FYN: variants seen among roughly 807,000 people sequenced by gnomAD.
FYN encodes FYN proto-oncogene, Src family tyrosine kinase.
Under a neutral mutation model 70.2 loss-of-function variants are expected in FYN, and 10 were observed. The observed-to-expected ratio is 0.14, with a 90% CI of 0.09 to 0.24. The LOEUF (loss-of-function observed/expected upper bound fraction) is 0.24, where lower values mean the gene tolerates loss of function less well. FYN is among the 10% of genes least tolerant of loss of function. The pLI, the probability that FYN is intolerant of heterozygous loss-of-function variation, is 1.00. For synonymous variants in FYN, 236 were observed against 248.6 expected, an observed-to-expected ratio of 0.95 and a Z score of 0.48; for missense variants, 319 against 673.1, an observed-to-expected ratio of 0.47 and a Z score of 5.82.
chr6:111,777,884 C>G (rs6568707), intron 3 of FYN, among the ~76,000 whole-genome samples: 8,275 of 152,264 alleles, frequency 0.054, 474 homozygotes, highest in African/African-American at 0.15. Flanking sequence ...TCATTTCAGA[C>G]AAGGCCTGTA....
intron 1 of FYN, among the ~76,000 whole-genome samples, chr6:111,846,886 A>C (rs1390222100): frequency 6.6e-6 from 1 of 152,204 alleles, no homozygotes; most frequent in Non-Finnish European, 1.5e-5. Context: ...AGGAAAGATA[A>C]GGATAGAGGC....
At chr6:111,666,354 C>G (rs1199932046) in intron 13 of FYN, among the ~76,000 whole-genome samples, 1 of 152,146 alleles carries the variant, frequency 6.6e-6, no homozygotes. Flanking sequence ...TATGAATGTT[C>G]CCTGGTTCCC....
chr6:111,780,173 C>T (rs1024724894), intron 3 of FYN, among the ~76,000 whole-genome samples: 14 of 152,274 alleles, frequency 9.2e-5, no homozygotes, highest in African/African-American at 3.1e-4. Flanking sequence ...AAGCTGCCTG[C>T]TTCTCTTTCT....
intron 2 of FYN, among the ~76,000 whole-genome samples, chr6:111,837,287 C>T (rs1196518442): frequency 2.0e-5 from 3 of 152,118 alleles, no homozygotes; most frequent in Non-Finnish European, 4.4e-5. Flanking sequence ...TTTTTTCCCT[C>T]ATCTGGTAAC....
intron 2 of FYN, among the ~76,000 whole-genome samples, chr6:111,837,216 A>G (rs1225616174): frequency 6.6e-6 from 1 of 152,202 alleles, no homozygotes; most frequent in Non-Finnish European, 1.5e-5. Flanking sequence ...TATCAAATTT[A>G]CTTTTTTGCG....
At chr6:111,803,348 G>A (rs1215174241) in intron 2 of FYN, among the ~76,000 whole-genome samples, 3 of 151,956 alleles carry the variant, frequency 2.0e-5, no homozygotes, top group Admixed American at 6.6e-5. Context: ...TGGCTTGACT[G>A]TGGAAGTAAG....
At chr6:111,676,956 AT>A (rs1157407174) in intron 12 of FYN, among the ~76,000 whole-genome samples, 1 of 152,200 alleles carries the variant, frequency 6.6e-6, no homozygotes, top group Admixed American at 6.5e-5. Flanking sequence ...CAGCTTTATT[AT>A]TTTCTCATTT....
chr6:111,870,964 G>A (rs78262612), intron 1 of FYN, among the ~76,000 whole-genome samples: 24 of 152,104 alleles, frequency 1.6e-4, no homozygotes, highest in African/African-American at 5.3e-4. Flanking sequence ...TTTTTTTATC[G>A]TAAAAAGTTC....
At chr6:111,759,762 C>G (rs1000529735) in intron 3 of FYN, 1 of 152,224 alleles carries the variant, frequency 6.6e-6, no homozygotes, top group African/African-American at 2.4e-5. Context: ...TGAAAGCTCC[C>G]CGACGGCAAC....
intron 3 of FYN, among the ~76,000 whole-genome samples, chr6:111,729,968 T>C (rs1236527812): frequency 6.6e-6 from 1 of 152,186 alleles, no homozygotes; most frequent in East Asian, 1.9e-4. Context: ...ATATTATCAG[T>C]TACTGATTGA....
rs932933882 is a variant in FYN, at chr6:111,720,037, T to G, written c.15A>C (p.Gln5His). The G allele has an allele frequency of 2.5e-6, 4 of 1,607,516 alleles. No individual in the cohort carries two copies. The highest frequency in any genetic ancestry group is 2.6e-6 in the Non-Finnish European group (3 of 1,175,024). Residue 5 changes from glutamine (Q) to histidine (H), a missense_variant, in exon 4 of 14, where the codon CAA becomes CAC. Physicochemically the swap from Gln to His is conservative, Grantham distance 24. Around this residue, in one of 4 missense-constraint regions of FYN, gnomAD observed 128 missense variants for 183.9 expected, o/e 0.70. Transcript: ENST00000354650. Reference sequence around the variant, plus strand: ...GTTTTGTTGCTTCTTTATCCTTACATTGCACACAGCCCATTATCTAAATTC... The same window carrying G: ...GTTTTGTTGCTTCTTTATCCTTACAGTGCACACAGCCCATTATCTAAATTC... MGCV[Q>H]CKDKEATKLT...
In FYN at chr6:111,805,732, A is replaced by C. The variant is rs545153010; in HGVS notation, c.-81-25097T>G. Among the ~76,000 whole-genome samples the C allele has an allele frequency of 1.2e-4, 18 of 152,238 alleles. No homozygotes were observed. In the South Asian group the frequency reaches 3.7e-3, roughly 32 times the overall value. The stretch of plus-strand genomic sequence containing the variant: ...TTGAACAAGCTGGCTGAATTAACTC[A>C]TACACATGCATCACTGATCATTTAA... On this transcript the variant is annotated intron_variant, in intron 2 of 13. Transcript: ENST00000354650.
chr6:111,815,749 C>T (rs1200367416), intron 2 of FYN, among the ~76,000 whole-genome samples: 1 of 147,920 alleles, frequency 6.8e-6, no homozygotes. Context: ...GACAGAGTCT[C>T]TCTCTGTTGC....
chr6:111,669,350 G>T (rs1319384033), intron 13 of FYN, among the ~76,000 whole-genome samples: 1 of 142,176 alleles, frequency 7.0e-6, no homozygotes, highest in East Asian at 2.2e-4. Flanking sequence ...CAGGAGAATC[G>T]CTTGAACCCA....
intron 12 of FYN, among the ~76,000 whole-genome samples, chr6:111,684,891 A>G (rs1421959025): frequency 6.6e-6 from 1 of 152,156 alleles, no homozygotes; most frequent in Non-Finnish European, 1.5e-5. Flanking sequence ...AGAAAAAAGG[A>G]GCCCTGCTTG....
intron 12 of FYN, among the ~76,000 whole-genome samples, chr6:111,683,686 T>G (rs1209929149): frequency 1.3e-5 from 2 of 151,534 alleles, no homozygotes; most frequent in Non-Finnish European, 2.9e-5. Context: ...TATTTAATAG[T>G]ATGCAATAAT....
chr6:111,831,932 C>T (rs1057363325), intron 2 of FYN, among the ~76,000 whole-genome samples: 2 of 152,148 alleles, frequency 1.3e-5, no homozygotes, highest in Non-Finnish European at 2.9e-5. Context: ...AAGAATAATA[C>T]AACTGTCTGA....
intron 2 of FYN, among the ~76,000 whole-genome samples, chr6:111,840,952 AAAAC>A: frequency 6.6e-6 from 1 of 152,224 alleles, no homozygotes; most frequent in East Asian, 1.9e-4. Context: ...CCTCGGTGTA[AAAAC>A]AAATGGTACA....
At chr6:111,871,381 A>G (rs1032193367) in intron 1 of FYN, among the ~76,000 whole-genome samples, 6 of 152,226 alleles carry the variant, frequency 3.9e-5, no homozygotes, top group African/African-American at 1.2e-4. Context: ...GGAAGAAGAC[A>G]GTACATAGGG....
Sources: allele counts gnomAD v4.1 joint callset (sites outside exome capture counted in the v4.1 genomes callset), GRCh38; gene constraint gnomAD v4.1.1; regional missense constraint gnomAD v4.1.1; transcripts MANE v1.5; gene names NCBI Gene and HGNC (gene_info 2026-07-23, HGNC 2026-07-21).